Variants in NXPE2 observed in about 807,000 individuals in gnomAD.
The protein encoded by NXPE2 is NXPE family member 2.
In NXPE2, 34 loss-of-function variants were observed where a neutral mutation model predicts 34.4. The ratio of observed to expected loss-of-function variants is 0.99; its 90% CI spans 0.75 to 1.31. NXPE2 has a LOEUF of 1.31. Ranked by LOEUF, NXPE2 falls within the 40% of genes most tolerant of loss-of-function variation. The probability of loss-of-function intolerance (pLI) is 0.00; values close to 1 mark genes in which losing one functional copy is unlikely to be tolerated. For synonymous variants in NXPE2, 235 were observed against 231.3 expected (o/e 1.02, Z -0.15); for missense variants, 649 against 672.5 (o/e 0.97, Z 0.39).
the NXPE2 span, among the ~76,000 whole-genome samples, chr11:114,739,303 C>T: frequency 6.6e-5 from 3 of 45,370 alleles, no homozygotes; most frequent in Non-Finnish European, 9.8e-5. Context: ...TTCCTTCCTT[C>T]CTTCCTTCCT....
At chr11:114,536,729 C>G in the NXPE2 span, among the ~76,000 whole-genome samples, 1 of 151,992 alleles carries the variant, frequency 6.6e-6, no homozygotes, top group Non-Finnish European at 1.5e-5. Context: ...AAGACAAAAC[C>G]AGGAAGAAGT....
chr11:114,813,282 G>A, the NXPE2 span, among the ~76,000 whole-genome samples: 1 of 152,172 alleles, frequency 6.6e-6, no homozygotes, highest in Non-Finnish European at 1.5e-5. Flanking sequence ...GTTTGTCTGG[G>A]CTCATCTTCA....
the NXPE2 span, among the ~76,000 whole-genome samples, chr11:114,653,681 C>G: frequency 6.6e-6 from 1 of 152,000 alleles, no homozygotes; most frequent in Non-Finnish European, 1.5e-5. Flanking sequence ...GCGCCCACCA[C>G]TATGCCTGGC....
chr11:114,689,765 C>A (rs1282901746), intron 2 of NXPE2, among the ~76,000 whole-genome samples: 1 of 152,014 alleles, frequency 6.6e-6, no homozygotes, highest in Non-Finnish European at 1.5e-5. Flanking sequence ...TTTTATAAAC[C>A]TTGGTGCTCC....
chr11:114,790,298 A>G, the NXPE2 span, among the ~76,000 whole-genome samples: 1 of 152,202 alleles, frequency 6.6e-6, no homozygotes, highest in African/African-American at 2.4e-5. Flanking sequence ...GTTCCTAAAT[A>G]AACCCTAATG....
chr11:114,527,784 A>G, the NXPE2 span: 2 of 1,197,914 alleles, frequency 1.7e-6, no homozygotes, highest in South Asian at 1.5e-5. Flanking sequence ...TATTTAGGTT[A>G]ATGCTGATAA....
At chr11:114,795,781 C>G in the NXPE2 span, among the ~76,000 whole-genome samples, 43 of 152,332 alleles carry the variant, frequency 2.8e-4, no homozygotes, top group Middle Eastern at 3.4e-3. Flanking sequence ...TGAAAGACTG[C>G]AATGATAGCA....
At chr11:114,599,374 A>G in the NXPE2 span, among the ~76,000 whole-genome samples, 1 of 152,152 alleles carries the variant, frequency 6.6e-6, no homozygotes, top group Non-Finnish European at 1.5e-5. Flanking sequence ...AGGAAGTTCC[A>G]AAGTTTCTCT....
chr11:114,633,378 GTATTA>G, the NXPE2 span, among the ~76,000 whole-genome samples: 164 of 140,486 alleles, frequency 1.2e-3, 1 homozygote, highest in Admixed American at 4.3e-3. Context: ...AATATATTAT[GTATTA>G]TATTATATAT....
the NXPE2 span, among the ~76,000 whole-genome samples, chr11:114,596,122 C>T: frequency 1.3e-5 from 2 of 152,028 alleles, no homozygotes; most frequent in African/African-American, 4.8e-5. Context: ...TCATCAAGAC[C>T]CAGTTGGCAG....
At chr11:114,776,371 T>C in the NXPE2 span, among the ~76,000 whole-genome samples, 1 of 152,374 alleles carries the variant, frequency 6.6e-6, no homozygotes, top group Non-Finnish European at 1.5e-5. Flanking sequence ...GGGAGGCTGC[T>C]GAGGCTCCCA....
At chr11:114,525,848 A>G in the NXPE2 span, among the ~76,000 whole-genome samples, 1 of 152,228 alleles carries the variant, frequency 6.6e-6, no homozygotes, top group Non-Finnish European at 1.5e-5. Flanking sequence ...TTCGGGGCTC[A>G]GCCTTTGGAA....
chr11:114,577,933 G>A, the NXPE2 span, among the ~76,000 whole-genome samples: 2 of 152,168 alleles, frequency 1.3e-5, no homozygotes, highest in East Asian at 1.9e-4. Context: ...AACCCTTTAC[G>A]ATATACAAAG....
the NXPE2 span, among the ~76,000 whole-genome samples, chr11:114,466,045 A>G: frequency 6.6e-6 from 1 of 152,180 alleles, no homozygotes. Flanking sequence ...AGACTATTTT[A>G]GTTTTCAGGC....
the NXPE2 span, among the ~76,000 whole-genome samples, chr11:114,524,584 A>G: frequency 6.6e-6 from 1 of 152,140 alleles, no homozygotes; most frequent in Non-Finnish European, 1.5e-5. Context: ...ATGGGTTTCT[A>G]TGAGGCTTGA....
chr11:114,721,603 G>C, the NXPE2 span, among the ~76,000 whole-genome samples: 1 of 152,156 alleles, frequency 6.6e-6, no homozygotes, highest in Non-Finnish European at 1.5e-5. Flanking sequence ...AAATACAGAG[G>C]AAAGAGATGG....
intron 2 of NXPE2, among the ~76,000 whole-genome samples, chr11:114,685,419 G>A (rs955509653): frequency 6.6e-6 from 1 of 152,076 alleles, no homozygotes; most frequent in African/African-American, 2.4e-5. Flanking sequence ...GCTCTCTGGG[G>A]TCCTTTTTGT....
At chr11:114,646,564 A>G in the NXPE2 span, among the ~76,000 whole-genome samples, 3 of 152,054 alleles carry the variant, frequency 2.0e-5, no homozygotes, top group Non-Finnish European at 4.4e-5. Flanking sequence ...CATAAGTCAA[A>G]TATAGTTGCT....
chr11:114,704,406 C>T (rs1951434288), intron 4 of NXPE2, among the ~76,000 whole-genome samples: 1 of 152,176 alleles, frequency 6.6e-6, no homozygotes, highest in South Asian at 2.1e-4. Flanking sequence ...TGCACAGATT[C>T]AGAGTTAGGA....
Sources: allele counts gnomAD v4.1 joint callset (sites outside exome capture counted in the v4.1 genomes callset), GRCh38; gene constraint gnomAD v4.1.1; transcripts MANE v1.5; gene names NCBI Gene and HGNC (gene_info 2026-07-23, HGNC 2026-07-21).